The following ANKRD11 variants were observed in gnomAD, a reference collection of about 807,000 sequenced individuals.
ANKRD11 encodes the protein ankyrin repeat domain-containing protein 11.
In ANKRD11, 17 loss-of-function variants were observed where a neutral mutation model predicts 195.7. The ratio of observed to expected loss-of-function variants is 0.09; its 90% CI spans 0.06 to 0.13. The LOEUF (loss-of-function observed/expected upper bound fraction) is 0.13. ANKRD11 is among the 10% of genes least tolerant of loss of function. The pLI is 1.00. For synonymous variants in ANKRD11, 1,953 were observed against 1,528.1 expected (o/e 1.28, Z -6.49); for missense variants, 3,735 against 3,566.1 (o/e 1.05, Z -1.21).
chr16:89,411,831 C>G, intron 2 of ANKRD11, among the ~76,000 whole-genome samples: 1 of 152,210 alleles, frequency 6.6e-6, no homozygotes, highest in East Asian at 1.9e-4. Context: ...GAATTCTCAG[C>G]AGAACTTGAG....
chr16:89,373,593 G>A (rs1275926509), intron 2 of ANKRD11: 1 of 152,254 alleles, frequency 6.6e-6, no homozygotes, highest in Non-Finnish European at 1.5e-5. Context: ...AGAAAACATC[G>A]GCATGTGACT....
chr16:89,417,259 T>C (rs1053298447), intron 2 of ANKRD11, among the ~76,000 whole-genome samples: 2 of 152,188 alleles, frequency 1.3e-5, no homozygotes, highest in Non-Finnish European at 2.9e-5. Context: ...GGAAAGGTTC[T>C]TTCACGTTTG....
At chr16:89,332,874 CT>C (rs1275728047) in intron 2 of ANKRD11, among the ~76,000 whole-genome samples, 2 of 152,334 alleles carry the variant, frequency 1.3e-5, no homozygotes, top group East Asian at 3.9e-4. Flanking sequence ...TTTATTACTC[CT>C]TAGGGCTGCT....
At position 89,285,486 on chromosome 16, in the gene ANKRD11, G is replaced by C. The variant is rs149211555; in HGVS notation, c.1056C>G (p.Asp352Glu). The C allele has an allele frequency of 6.2e-7, 1 of 1,614,022 alleles. No homozygotes were observed. The highest frequency in any genetic ancestry group is 1.3e-5 in the African/African-American group (1 of 74,896). The change falls in exon 9 of 13, where the codon GAC becomes GAG. Residue 352 changes from aspartate (D) to glutamate (E), a missense_variant. By Grantham distance (45) the Asp-to-Glu change is conservative. Transcript: ENST00000301030. This position sits in a 1 kb window ranked among gnomAD's most constrained non-coding sequence, Gnocchi z 5.6. ...CCGGAGGAACCCTGTCCTGCTCGTC[G>C]TCCTCATCAAACTCATACTCGTCCT... The part of the protein sequence containing the change: ...PVKDEYEFDE[D>E]DEQDRVPPVD...
rs552202438 is a variant in ANKRD11, at chr16:89,316,995, C to T, written c.25G>A (p.Ala9Thr). 1 of 1,613,786 alleles carries T rather than the reference C, an allele frequency of 6.2e-7. No homozygotes were observed. The highest frequency in any genetic ancestry group is 1.3e-5 in the African/African-American group (1 of 75,052). Residue 9 changes from alanine to threonine, a missense_variant, in exon 3 of 13, where the codon GCA becomes ACA. Coordinates refer to ENST00000301030, the MANE Select transcript of ANKRD11 (RefSeq NM_013275.6). ...AGGGGAAGCTCTTCCTGCTGTGGTG[C>T]TTTAGGGCACCCACCCTTGGGCATC... MPKGGCPK[A>T]PQQEELPLSS...
chr16:89,363,337 G>T (rs114644784), intron 2 of ANKRD11, among the ~76,000 whole-genome samples: 3,152 of 152,244 alleles, frequency 0.021, 124 homozygotes, highest in African/African-American at 0.073. Flanking sequence ...CAGCCAAGGA[G>T]TAAGATTCAG....
intron 2 of ANKRD11, among the ~76,000 whole-genome samples, chr16:89,410,354 GAATA>G (rs1222418131): frequency 2.0e-5 from 3 of 152,154 alleles, no homozygotes; most frequent in Non-Finnish European, 4.4e-5. Flanking sequence ...AAACAAGCAA[GAATA>G]AATTTTAAAC....
chr16:89,456,957 C>CT (rs56161810), intron 1 of ANKRD11, among the ~76,000 whole-genome samples: 16,629 of 137,330 alleles, frequency 0.12, 1,503 homozygotes, highest in Non-Finnish European at 0.17. Context: ...TTATGTGAGT[C>CT]TTTTTTTTTT....
At chr16:89,427,803 A>G (rs1209802541) in intron 1 of ANKRD11, among the ~76,000 whole-genome samples, 3 of 152,050 alleles carry the variant, frequency 2.0e-5, no homozygotes, top group Non-Finnish European at 1.5e-5. Context: ...AAAAAAAAAA[A>G]AGTCTAGTAA....
chr16:89,274,606 G>T, intron 11 of ANKRD11: 1 of 706,768 alleles, frequency 1.4e-6, no homozygotes, highest in Non-Finnish European at 2.4e-6. Context: ...TTGCCCGTGC[G>T]GGGAGCTGTC....
chr16:89,288,369 G>T, intron 7 of ANKRD11, 159 bp downstream of exon 7: 1 of 1,170,104 alleles, frequency 8.5e-7, no homozygotes, highest in Non-Finnish European at 1.2e-6. Flanking sequence ...AAAGCTGGGG[G>T]CAGACAGAGG....
intron 1 of ANKRD11, among the ~76,000 whole-genome samples, chr16:89,468,795 G>C (rs1013595974): frequency 6.6e-6 from 1 of 152,198 alleles, no homozygotes; most frequent in African/African-American, 2.4e-5. Flanking sequence ...TGGCCAGCCT[G>C]CTGGATGTTG....
At chr16:89,303,945 C>T (rs1474775594) in intron 4 of ANKRD11, among the ~76,000 whole-genome samples, 1 of 152,226 alleles carries the variant, frequency 6.6e-6, no homozygotes, top group Non-Finnish European at 1.5e-5. Flanking sequence ...ACGCCTTGTG[C>T]TATGGCTGCA....
intron 11 of ANKRD11, chr16:89,271,229 T>C (rs1597397240): frequency 2.6e-6 from 1 of 383,248 alleles, no homozygotes; most frequent in Non-Finnish European, 4.8e-6. Flanking sequence ...TGCCAACTCC[T>C]GGGAGAGACT....
intron 4 of ANKRD11, among the ~76,000 whole-genome samples, chr16:89,295,726 G>A (rs996121524): frequency 2.0e-5 from 3 of 152,148 alleles, no homozygotes; most frequent in Admixed American, 6.5e-5. Flanking sequence ...CTCTGTGCAG[G>A]TGGGATGGGG....
chr16:89,376,872 T>C lies in ANKRD11; in HGVS notation c.-60+41412A>G, dbSNP rs748003856. ...AAGAAGGGATAAGCTAATGCTACTG[T>C]TTTGTGCAAATGCAGTAGGGTTTAT... On this transcript the variant is annotated intron_variant, in intron 2 of 12. Coordinates refer to ENST00000301030, the MANE Select transcript of ANKRD11 (RefSeq NM_013275.6). Among the ~76,000 whole-genome samples, 4 of 152,330 alleles carry C rather than the reference T, an allele frequency of 2.6e-5. No individual in the cohort carries two copies. In the East Asian group the frequency reaches 7.7e-4, roughly 29 times the overall value.
chr16:89,425,525 C>T (rs1277440321), intron 1 of ANKRD11, among the ~76,000 whole-genome samples: 1 of 152,186 alleles, frequency 6.6e-6, no homozygotes, highest in Non-Finnish European at 1.5e-5. Context: ...CCAGGAGCCC[C>T]ACAATCCCAA....
intron 2 of ANKRD11, among the ~76,000 whole-genome samples, chr16:89,405,987 G>A (rs561674522): frequency 9.3e-4 from 141 of 151,960 alleles, no homozygotes; most frequent in Middle Eastern, 3.4e-3. Flanking sequence ...GCACACACCT[G>A]CAATCTCGGC....
At chr16:89,446,670 G>A (rs539658680) in intron 1 of ANKRD11, among the ~76,000 whole-genome samples, 48 of 152,244 alleles carry the variant, frequency 3.2e-4, no homozygotes, top group African/African-American at 1.0e-3. Context: ...CAAGGGCTGT[G>A]AAGTGAAGCC....
Sources: gnomAD v4.1 joint callset for allele counts (sites outside exome capture counted in the v4.1 genomes callset) on GRCh38, gnomAD v4.1.1 for gene constraint, Gnocchi (gnomAD v3.1) non-coding constraint, MANE v1.5 for transcripts, NCBI Gene and HGNC (gene_info 2026-07-23, HGNC 2026-07-21) for gene names.